ATAT1: variants seen among roughly 807,000 people sequenced by gnomAD.
The protein encoded by ATAT1 is alpha-tubulin N-acetyltransferase 1.
A neutral mutation model predicts 57.2 loss-of-function variants in ATAT1; 42 were observed. That is an observed-to-expected ratio of 0.73 (90% CI 0.57 to 0.95). The LOEUF is 0.95. Ranked by LOEUF, ATAT1 falls within the 40% of genes least tolerant of loss-of-function variation. The pLI, the probability that ATAT1 is intolerant of heterozygous loss-of-function variation, is 0.00. For synonymous variants in ATAT1, 168 were observed against 187.1 expected, an observed-to-expected ratio of 0.90 and a Z score of 0.83; for missense variants, 454 against 523.7, an observed-to-expected ratio of 0.87 and a Z score of 1.30.
At chr6:30,632,136 A>G (rs188727714) in intron 6 of ATAT1, among the ~76,000 whole-genome samples, 1 of 151,696 alleles carries the variant, frequency 6.6e-6, no homozygotes, top group African/African-American at 2.4e-5. Flanking sequence ...GTGTGATGGC[A>G]GGTGCCTGTA....
intron 6 of ATAT1, among the ~76,000 whole-genome samples, chr6:30,629,839 C>T (rs936696342): frequency 1.3e-5 from 2 of 152,100 alleles, no homozygotes; most frequent in East Asian, 1.9e-4. Context: ...CCACCGTGCC[C>T]GACCCCTTAT....
chr6:30,642,833 G>GGGGGCCCCCCCCCCCCCCCC lies in ATAT1; in HGVS notation c.754_755insGGGGCCCCCCCCCCCCCCCC (p.Ala252GlyfsTer74). On this transcript the variant is annotated frameshift_variant, in exon 10 of 13. Coordinates refer to ENST00000330083, the MANE Select transcript of ATAT1 (RefSeq NM_001031722.4). LOFTEE classifies it high-confidence loss of function. ...GGCCCCTCGCCGCGCCACACCTCCA[G>GGGGGCCCCCCCCCCCCCCCC]CCCACCCACCCCCCCGCTCCAGCAG... The GGGGGCCCCCCCCCCCCCCCC allele has an allele frequency of 7.8e-6, 12 of 1,537,816 alleles. No individual in the cohort carries two copies. Among genetic ancestry groups the GGGGGCCCCCCCCCCCCCCCC allele is most frequent in the Non-Finnish European group, 9.6e-6 (11 of 1,145,736 alleles).
At position 30,643,038 on chromosome 6, in the gene ATAT1, C is replaced by T. The variant is rs771033765; in HGVS notation, c.932+27C>T. 3.2e-6 allele frequency: 5 copies of T among 1,582,860 alleles called. No homozygotes were observed. The Admixed American group carries it at 9.2e-5, about 29-fold the overall frequency. ...TAATAGGAGTTGAAGGGCTAAGGAG[C>T]CTCACAGCTATAAAAGAGGATGTTA... On this transcript the variant is annotated intron_variant, in intron 10 of 12. Coordinates refer to ENST00000330083, the MANE Select transcript of ATAT1 (RefSeq NM_001031722.4).
chr6:30,634,425 A>AT (rs1273861856), intron 6 of ATAT1, among the ~76,000 whole-genome samples: 2 of 151,150 alleles, frequency 1.3e-5, no homozygotes, highest in South Asian at 2.1e-4. Context: ...TAATTTTTGT[A>AT]TTTTTAGCAG....
intron 8 of ATAT1, chr6:30,641,844 A>T (rs1765516490): frequency 8.9e-7 from 1 of 1,122,644 alleles, no homozygotes; most frequent in African/African-American, 1.6e-5. Context: ...CCAGAATACC[A>T]GGGGGCCATG....
chr6:30,642,832 A>AGGGGGGGGGGC lies in ATAT1; in HGVS notation c.754_755insGGGGGGGGGCG (p.Ala252GlyfsTer71). 5 of 1,230,724 alleles carry AGGGGGGGGGGC rather than the reference A, an allele frequency of 4.1e-6. No homozygotes were observed. Among genetic ancestry groups the AGGGGGGGGGGC allele is most frequent in the African/African-American group, 1.7e-5 (1 of 57,230 alleles). 76.2% of individuals were successfully genotyped at this position (1,230,724 alleles called of 1,614,324 possible). A position where few individuals can be genotyped will look rare whatever the true frequency, so the allele number is the denominator to read the frequency against. ...GGGCCCCTCGCCGCGCCACACCTCC[A>AGGGGGGGGGGC]GCCCACCCACCCCCCCGCTCCAGCA... On this transcript the variant is annotated frameshift_variant, in exon 10 of 13. Transcript: ENST00000330083. LOFTEE classifies it high-confidence loss of function.
At chr6:30,644,161 T>C (rs1463659623) in intron 10 of ATAT1, 1 of 985,880 alleles carries the variant, frequency 1.0e-6, no homozygotes, top group Non-Finnish European at 1.2e-6. Flanking sequence ...TTTCCACATT[T>C]TGTGTAGGTG....
At chr6:30,646,409 GTAATCT>G in intron 12 of ATAT1, 54 bp from the exon 13 acceptor site, 1 of 1,470,502 alleles carries the variant, frequency 6.8e-7, no homozygotes, top group African/African-American at 1.4e-5. Context: ...TGAAGAGTCT[GTAATCT>G]TAATTTCCTC....
In ATAT1 at chr6:30,642,927, T is replaced by C. The variant is rs1176646036; in HGVS notation, c.848T>C (p.Leu283Ser). 8 of 1,607,578 alleles carry C rather than the reference T, an allele frequency of 5.0e-6. No homozygotes were observed. The highest frequency in any genetic ancestry group is 5.9e-6 in the Non-Finnish European group (7 of 1,176,680). Residue 283 changes from leucine to serine, a missense_variant, in exon 10 of 13, where the codon TTG becomes TCG. Coordinates refer to ENST00000330083, the MANE Select transcript of ATAT1 (RefSeq NM_001031722.4). The stretch of plus-strand genomic sequence containing the variant: ...CCAGAGCAGGAGCTGCTGCGTTCCT[T>C]GCGCCTCTGCCCCCCACACCCTACC...
rs140273929 is a variant in ATAT1 at position 30,627,748 on chromosome 6, C to T, written c.224+21C>T. 7.0e-3 allele frequency: 11,186 copies of T among 1,608,424 alleles called. 93 individuals are homozygous for T. The highest frequency in any genetic ancestry group is 0.044 in the Middle Eastern group (267 of 6,056). On this transcript the variant is annotated intron_variant, in intron 3 of 12. Coordinates refer to ENST00000330083, the MANE Select transcript of ATAT1 (RefSeq NM_001031722.4). ...CGACCGTGAGTGCCACATGCTCTTCCATCCCATACTTAATTCCTTCCTTCC... is the reference window on the plus strand; with the variant it reads ...CGACCGTGAGTGCCACATGCTCTTCTATCCCATACTTAATTCCTTCCTTCC...
At position 30,646,456 on chromosome 6, in the gene ATAT1, C is replaced by A; in HGVS notation, c.1056-13C>A. The stretch of plus-strand genomic sequence containing the variant: ...TATTCCTATAACCCACTCTCCATCT[C>A]CCCACCTACCAGGTCTGCCAGTGAG... On this transcript the variant is annotated splice_polypyrimidine_tract_variant and intron_variant, in intron 12 of 12. Transcript: ENST00000330083. 2 of 1,558,890 alleles carry A rather than the reference C, an allele frequency of 1.3e-6. No individual in the cohort carries two copies. The highest frequency in any genetic ancestry group is 8.7e-7 in the Non-Finnish European group (1 of 1,150,380).
At chr6:30,645,137 T>A (rs969789656) in intron 10 of ATAT1, among the ~76,000 whole-genome samples, 6 of 152,162 alleles carry the variant, frequency 3.9e-5, no homozygotes, top group Non-Finnish European at 7.3e-5. Context: ...TCTGTCACCC[T>A]ATTTACAGAG....
In ATAT1 at chr6:30,642,833, G is replaced by GTCCCCCCCCCCCCC; in HGVS notation, c.754_755insTCCCCCCCCCCCCC (p.Ala252ValfsTer72). On this transcript the variant is annotated frameshift_variant, in exon 10 of 13. Coordinates refer to ENST00000330083, the MANE Select transcript of ATAT1 (RefSeq NM_001031722.4). LOFTEE classifies it high-confidence loss of function. Reference sequence around the variant, plus strand: ...GGCCCCTCGCCGCGCCACACCTCCAGCCCACCCACCCCCCCGCTCCAGCAG... The same window carrying GTCCCCCCCCCCCCC: ...GGCCCCTCGCCGCGCCACACCTCCAGTCCCCCCCCCCCCCCCCACCCACCCCCCCGCTCCAGCAG... The GTCCCCCCCCCCCCC allele has an allele frequency of 6.5e-7, 1 of 1,537,876 alleles. No homozygotes were observed.
intron 6 of ATAT1, among the ~76,000 whole-genome samples, chr6:30,629,047 T>C (rs1762277929): frequency 6.6e-6 from 1 of 151,938 alleles, no homozygotes; most frequent in South Asian, 2.1e-4. Context: ...ACTACAGGCA[T>C]GCACCACCAT....
At chr6:30,627,805 G>A in intron 3 of ATAT1, 46 bp from the exon 4 acceptor site, 1 of 1,604,590 alleles carries the variant, frequency 6.2e-7, no homozygotes, top group Middle Eastern at 1.7e-4. Context: ...ACTATCTCTT[G>A]CAGATAGATA....
intron 8 of ATAT1, among the ~76,000 whole-genome samples, chr6:30,641,342 A>T: frequency 6.6e-6 from 1 of 152,162 alleles, no homozygotes; most frequent in East Asian, 1.9e-4. Flanking sequence ...ACTGAGAGGC[A>T]CCTCAACTCG....
intron 6 of ATAT1, among the ~76,000 whole-genome samples, chr6:30,629,630 C>T (rs569335811): frequency 1.4e-4 from 21 of 152,008 alleles, no homozygotes; most frequent in African/African-American, 4.8e-4. Flanking sequence ...CTGCAAGCTC[C>T]GCCTCCCAGG....
At chr6:30,634,478 T>C (rs994234430) in intron 6 of ATAT1, among the ~76,000 whole-genome samples, 16 of 151,182 alleles carry the variant, frequency 1.1e-4, no homozygotes, top group Admixed American at 2.0e-4. Context: ...TTCTATCTCC[T>C]GACCTTGTGA....
intron 10 of ATAT1, chr6:30,644,661 A>G: frequency 1.0e-6 from 1 of 981,680 alleles, no homozygotes; most frequent in Non-Finnish European, 1.2e-6. Context: ...CAATGAAAAA[A>G]AGAATCACAA....
Sources: gnomAD v4.1 joint callset for allele counts (sites outside exome capture counted in the v4.1 genomes callset) on GRCh38, gnomAD v4.1.1 for gene constraint, MANE v1.5 for transcripts, NCBI Gene and HGNC (gene_info 2026-07-23, HGNC 2026-07-21) for gene names.